The following ST6GALNAC3 variants were observed in gnomAD, a reference collection of about 807,000 sequenced individuals.
ST6GALNAC3 encodes ST6 N-acetylgalactosaminide alpha-2,6-sialyltransferase 3, also known as alpha-N-acetylgalactosaminide alpha-2,6-sialyltransferase 3.
In ST6GALNAC3, 25 loss-of-function variants were observed where a neutral mutation model predicts 32.7. The observed-to-expected ratio is 0.76, with a 90% confidence interval of 0.56 to 1.07. ST6GALNAC3 has a LOEUF of 1.07. ST6GALNAC3 is among the 50% of genes least tolerant of loss of function. The probability of loss-of-function intolerance (pLI) is 0.00; values close to 1 mark genes in which losing one functional copy is unlikely to be tolerated. For synonymous variants in ST6GALNAC3, 129 were observed against 133.1 expected (o/e 0.97, Z 0.21); for missense variants, 355 against 382.4 (o/e 0.93, Z 0.60).
intron 1 of ST6GALNAC3, among the ~76,000 whole-genome samples, chr1:76,077,905 G>T (rs1017963101): frequency 6.6e-6 from 1 of 152,124 alleles, no homozygotes; most frequent in African/African-American, 2.4e-5. Context: ...ATAAACCATT[G>T]ACCCCATTCT....
chr1:76,156,151 A>G (rs879215944), intron 1 of ST6GALNAC3, among the ~76,000 whole-genome samples: 1 of 152,156 alleles, frequency 6.6e-6, no homozygotes, highest in Non-Finnish European at 1.5e-5. Flanking sequence ...TGAGAGGAAG[A>G]AGGCAGAGAG....
intron 1 of ST6GALNAC3, among the ~76,000 whole-genome samples, chr1:76,222,450 A>G (rs372500621): frequency 1.2e-4 from 18 of 152,336 alleles, no homozygotes; most frequent in African/African-American, 4.1e-4. Context: ...AACTATCAAC[A>G]GAGTAAAGAG....
chr1:76,279,999 C>T (rs1659407955), intron 1 of ST6GALNAC3, among the ~76,000 whole-genome samples: 1 of 151,956 alleles, frequency 6.6e-6, no homozygotes, highest in Admixed American at 6.6e-5. Context: ...CCTGTCTTTT[C>T]TCTCATCTTG....
At chr1:76,115,496 A>G (rs914880920) in intron 1 of ST6GALNAC3, among the ~76,000 whole-genome samples, 2 of 152,244 alleles carry the variant, frequency 1.3e-5, no homozygotes, top group African/African-American at 2.4e-5. Flanking sequence ...GTCTTAAGCA[A>G]TGATCATTTG....
At chr1:76,478,687 C>T (rs1659509156) in intron 3 of ST6GALNAC3, among the ~76,000 whole-genome samples, 2 of 151,320 alleles carry the variant, frequency 1.3e-5, no homozygotes, top group Admixed American at 1.3e-4. Flanking sequence ...CTTGTGTTTT[C>T]AGATATTTTT....
At chr1:76,556,275 T>G (rs315055) in intron 3 of ST6GALNAC3, among the ~76,000 whole-genome samples, 9,241 of 152,162 alleles carry the variant, frequency 0.061, 961 homozygotes, top group African/African-American at 0.21. Context: ...ATTAATTAAT[T>G]TATCAGTTCA....
At chr1:76,456,437 C>G (rs1485138494) in intron 3 of ST6GALNAC3, among the ~76,000 whole-genome samples, 1 of 152,030 alleles carries the variant, frequency 6.6e-6, no homozygotes, top group Non-Finnish European at 1.5e-5. Flanking sequence ...GCCTCCGCCT[C>G]CTGGGTTCAA....
chr1:76,635,808 G>C (rs72680018), downstream of ST6GALNAC3, among the ~76,000 whole-genome samples: 3,716 of 152,118 alleles, frequency 0.024, 62 homozygotes, highest in Non-Finnish European at 0.037. Context: ...AGAGCAAAAA[G>C]GATCTTGTGC....
At chr1:76,167,072 G>A (rs1386879729) in intron 1 of ST6GALNAC3, among the ~76,000 whole-genome samples, 3 of 152,134 alleles carry the variant, frequency 2.0e-5, no homozygotes, top group African/African-American at 7.2e-5. Flanking sequence ...TCCTTGTCTT[G>A]TGCTGGTTTT....
At chr1:76,350,978 A>G (rs2101021226) in intron 2 of ST6GALNAC3, among the ~76,000 whole-genome samples, 1 of 152,294 alleles carries the variant, frequency 6.6e-6, no homozygotes, top group East Asian at 1.9e-4. Flanking sequence ...GACTAAGAAA[A>G]GTGTTTAACT....
At chr1:76,407,689 A>T (rs1451368765) in intron 2 of ST6GALNAC3, among the ~76,000 whole-genome samples, 2 of 152,084 alleles carry the variant, frequency 1.3e-5, no homozygotes, top group African/African-American at 4.8e-5. Context: ...AATGAAAAAA[A>T]AAAAGCAAAA....
intron 1 of ST6GALNAC3, among the ~76,000 whole-genome samples, chr1:76,272,381 G>T (rs1658900324): frequency 6.7e-6 from 1 of 149,894 alleles, no homozygotes; most frequent in Admixed American, 6.6e-5. Flanking sequence ...TATCTGTAAA[G>T]TCAGCCTATG....
chr1:76,251,501 C>G (rs1657614616), intron 1 of ST6GALNAC3, among the ~76,000 whole-genome samples: 1 of 152,074 alleles, frequency 6.6e-6, no homozygotes, highest in Admixed American at 6.6e-5. Context: ...AGCACTAAAC[C>G]CTTCACTGTT....
chr1:76,294,927 A>G (rs954483432), intron 1 of ST6GALNAC3, among the ~76,000 whole-genome samples: 2 of 152,122 alleles, frequency 1.3e-5, no homozygotes, highest in African/African-American at 4.8e-5. Context: ...ATAATTTGTG[A>G]TGGAAAAGTC....
At chr1:76,219,626 T>C (rs575311615) in intron 1 of ST6GALNAC3, among the ~76,000 whole-genome samples, 21 of 152,252 alleles carry the variant, frequency 1.4e-4, no homozygotes, top group African/African-American at 5.1e-4. Flanking sequence ...CCCTAAATGG[T>C]GAAAGGGTTT....
chr1:76,409,410 T>G (rs1160590816), intron 2 of ST6GALNAC3, among the ~76,000 whole-genome samples: 1 of 152,120 alleles, frequency 6.6e-6, no homozygotes, highest in Non-Finnish European at 1.5e-5. Flanking sequence ...TTTGTCGGTC[T>G]GGCACATTTT....
At chr1:76,491,752 T>C (rs1261212573) in intron 3 of ST6GALNAC3, among the ~76,000 whole-genome samples, 1 of 152,154 alleles carries the variant, frequency 6.6e-6, no homozygotes, top group Non-Finnish European at 1.5e-5. Context: ...CTAGTAGAAG[T>C]GAAGGGGCAA....
At chr1:76,474,627 A>G (rs913670929) in intron 3 of ST6GALNAC3, among the ~76,000 whole-genome samples, 1 of 152,202 alleles carries the variant, frequency 6.6e-6, no homozygotes, top group Non-Finnish European at 1.5e-5. Flanking sequence ...GGTGATTAGA[A>G]TAGCTATTAA....
intron 1 of ST6GALNAC3, among the ~76,000 whole-genome samples, chr1:76,241,780 G>A (rs1656980599): frequency 1.3e-5 from 2 of 152,264 alleles, no homozygotes; most frequent in South Asian, 4.1e-4. Flanking sequence ...AATATCTTGA[G>A]TCTAGTGGGT....
Sources: allele counts gnomAD v4.1 joint callset (sites outside exome capture counted in the v4.1 genomes callset), GRCh38; gene constraint gnomAD v4.1.1; transcripts MANE v1.5; gene names NCBI Gene and HGNC (gene_info 2026-07-23, HGNC 2026-07-21).